Variants in UBE2W observed in about 807,000 individuals in gnomAD.
UBE2W encodes the protein ubiquitin conjugating enzyme E2 W.
UBE2W carries 18 observed loss-of-function variants against 27.2 expected under a neutral mutation model. That is an observed-to-expected ratio of 0.66 (90% CI 0.46 to 0.98). The LOEUF (loss-of-function observed/expected upper bound fraction) is 0.98, where lower values mean the gene tolerates loss of function less well. Among genes scored for constraint, UBE2W ranks in the 50% least tolerant of loss-of-function variants. The pLI is 0.00. For synonymous variants in UBE2W, 53 were observed against 57.2 expected (o/e 0.93, Z 0.33); for missense variants, 90 against 180.2 (o/e 0.50, Z 2.87).
chr8:73,871,135 G>A (rs1393089911), intron 1 of UBE2W, among the ~76,000 whole-genome samples: 1 of 152,180 alleles, frequency 6.6e-6, no homozygotes, highest in East Asian at 1.9e-4. Context: ...GTATGACACT[G>A]CTAATATAAT....
Position 73,791,855 on chromosome 8 carries a change from G to T in UBE2W, c.*2247C>A, listed in dbSNP as rs1187656879. On this transcript the variant is annotated 3_prime_UTR_variant, in exon 6 of 6. Transcript: ENST00000602593. ...CTGTGTCATTTTAGTTTACTTTATG[G>T]TATTTATATGTAGAGAGAGAGGTAT... 1.0e-6 allele frequency: 1 copy of T among 984,148 alleles called. No homozygotes were observed. The highest frequency in any genetic ancestry group is 6.2e-5 in the Admixed American group (1 of 16,202). 61.0% of individuals were successfully genotyped at this position (984,148 alleles called of 1,614,324 possible).
chr8:73,852,337 C>T (rs542286792), intron 1 of UBE2W, among the ~76,000 whole-genome samples: 1 of 152,128 alleles, frequency 6.6e-6, no homozygotes, highest in Non-Finnish European at 1.5e-5. Flanking sequence ...GAGTTTACTA[C>T]CCTAGAATCA....
At chr8:73,859,399 G>A (rs1343966044) in intron 1 of UBE2W, among the ~76,000 whole-genome samples, 1 of 152,158 alleles carries the variant, frequency 6.6e-6, no homozygotes, top group Non-Finnish European at 1.5e-5. Flanking sequence ...CCAGCTACTG[G>A]GGAGGCTGAA....
intron 5 of UBE2W, among the ~76,000 whole-genome samples, chr8:73,800,786 T>C (rs1402645459): frequency 6.6e-6 from 1 of 152,158 alleles, no homozygotes; most frequent in Non-Finnish European, 1.5e-5. Context: ...TAAAAACTGT[T>C]AACTCTAAGA....
intron 4 of UBE2W, among the ~76,000 whole-genome samples, chr8:73,808,584 C>G (rs899425803): frequency 3.9e-5 from 6 of 152,162 alleles, no homozygotes; most frequent in Non-Finnish European, 8.8e-5. Flanking sequence ...AATGCCAGAT[C>G]GTCTCAATGC....
intron 1 of UBE2W, among the ~76,000 whole-genome samples, chr8:73,869,430 C>T (rs942156527): frequency 1.3e-5 from 2 of 152,132 alleles, no homozygotes; most frequent in Non-Finnish European, 2.9e-5. Context: ...GTGGCTCACA[C>T]CTGTAATCCC....
At chr8:73,815,803 C>A (rs1054143067) in intron 3 of UBE2W, among the ~76,000 whole-genome samples, 2 of 152,094 alleles carry the variant, frequency 1.3e-5, no homozygotes, top group Non-Finnish European at 2.9e-5. Context: ...AGCCAATCTA[C>A]AATATGGATA....
intron 5 of UBE2W, among the ~76,000 whole-genome samples, chr8:73,801,068 C>G (rs938744503): frequency 3.3e-5 from 5 of 152,024 alleles, no homozygotes; most frequent in African/African-American, 7.2e-5. Flanking sequence ...CCAGCCTGGG[C>G]AACAAGAACA....
At chr8:73,821,603 C>A in intron 3 of UBE2W, among the ~76,000 whole-genome samples, 1 of 146,650 alleles carries the variant, frequency 6.8e-6, no homozygotes, top group South Asian at 2.2e-4. Flanking sequence ...GGTATGTAAC[C>A]AGTGAGATAA....
chr8:73,788,761 CGTT>C lies in UBE2W; in HGVS notation c.*5338_*5340del. On this transcript the variant is annotated 3_prime_UTR_variant, in exon 6 of 6. Coordinates refer to ENST00000602593, the MANE Select transcript of UBE2W (RefSeq NM_018299.6). ...GACCAATGAGAAAACAACTTAGAAT[CGTT>C]GTAGGACCATCCTTTTCTCAAAACC... 4 of 985,278 alleles carry C rather than the reference CGTT, an allele frequency of 4.1e-6. No homozygotes were observed. The highest frequency in any genetic ancestry group is 4.8e-6 in the Non-Finnish European group (4 of 829,912). 61.0% of individuals were successfully genotyped at this position (985,278 alleles called of 1,614,324 possible).
In UBE2W at chr8:73,789,820, G is replaced by A. The variant is rs761306811; in HGVS notation, c.*4282C>T. The A allele has an allele frequency of 5.1e-5, 41 of 800,660 alleles. No homozygotes were observed. Among genetic ancestry groups the A allele is most frequent in the Non-Finnish European group, 6.2e-5 (41 of 661,692 alleles). The allele number at this position is 800,660 out of a possible 1,614,324, so 49.6% of individuals were successfully genotyped here. A position where few individuals can be genotyped will look rare whatever the true frequency, so the allele number is the denominator to read the frequency against. On this transcript the variant is annotated 3_prime_UTR_variant, in exon 6 of 6. Transcript: ENST00000602593. ...GCACTGCACTAAAGCCCGGGTGACA[G>A]AGCAAGACTCCGTCTCAAAAATAAA...
At position 73,805,471 on chromosome 8, in the gene UBE2W, AC is replaced by A. The variant is rs574894602; in HGVS notation, c.442+179del. Among the ~76,000 whole-genome samples, 374 of 124,096 alleles carry A rather than the reference AC, an allele frequency of 3.0e-3. 72 individuals are homozygous for A. The highest frequency in any genetic ancestry group is 9.9e-3 in the African/African-American group (351 of 35,376). 81.4% of individuals were successfully genotyped at this position (124,096 alleles called of 152,430 possible). On this transcript the variant is annotated intron_variant, in intron 5 of 5. Coordinates refer to ENST00000602593, the MANE Select transcript of UBE2W (RefSeq NM_018299.6). ...CTCCATCTCAAAAAAAAAAAAAAAA[AC>A]AAAAAAAACTAGGGTAATTCATCCA...
intron 4 of UBE2W, among the ~76,000 whole-genome samples, chr8:73,807,422 A>T (rs920863826): frequency 6.6e-6 from 1 of 152,218 alleles, no homozygotes; most frequent in Non-Finnish European, 1.5e-5. Context: ...TCCATTTGGC[A>T]CTTCTAAAAC....
intron 1 of UBE2W, among the ~76,000 whole-genome samples, chr8:73,864,200 C>A (rs547184951): frequency 3.8e-4 from 58 of 152,220 alleles, no homozygotes; most frequent in Non-Finnish European, 8.8e-5. Context: ...TCAAGACCAG[C>A]GTGGCCAACA....
At chr8:73,848,454 A>G (rs750201704) in intron 1 of UBE2W, among the ~76,000 whole-genome samples, 15 of 152,174 alleles carry the variant, frequency 9.9e-5, no homozygotes, top group Non-Finnish European at 2.1e-4. Context: ...TGGGTGGCTG[A>G]GGTGGGAGGA....
At position 73,813,064 on chromosome 8, in the gene UBE2W, T is replaced by C. The variant is rs372489150; in HGVS notation, c.211-2435A>G. Among the ~76,000 whole-genome samples, 3 of 66,738 alleles carry C rather than the reference T, an allele frequency of 4.5e-5. No individual in the cohort carries two copies. In the East Asian group the frequency reaches 1.2e-3, roughly 26 times the overall value. The allele number at this position is 66,738 out of a possible 152,430, so 43.8% of individuals were successfully genotyped here. On this transcript the variant is annotated intron_variant, in intron 3 of 5. Coordinates refer to ENST00000602593, the MANE Select transcript of UBE2W (RefSeq NM_018299.6). ...GTCTCTATCAAGAAGTCAAGAAGAATAGTGATCTGAAAGTGCCACAAAAAA... is the reference window on the plus strand; with the variant it reads ...GTCTCTATCAAGAAGTCAAGAAGAACAGTGATCTGAAAGTGCCACAAAAAA...
In UBE2W at chr8:73,793,815, C is replaced by A; in HGVS notation, c.*287G>T. On this transcript the variant is annotated 3_prime_UTR_variant, in exon 6 of 6. Transcript: ENST00000602593. ...TTGCACAATACATGAGGACCTGGAG[C>A]TTTTCCAAAAGCTTAAAAAAATAAA... 1 of 1,136,534 alleles carries A rather than the reference C, an allele frequency of 8.8e-7. No homozygotes were observed. The highest frequency in any genetic ancestry group is 1.1e-6 in the Non-Finnish European group (1 of 925,398). The allele number at this position is 1,136,534 out of a possible 1,614,324, so 70.4% of individuals were successfully genotyped here.
rs960710852 is a variant in UBE2W, at chr8:73,878,840, AAGACCGGCGAGGCCAG to A, written c.-34_-19del. On this transcript the variant is annotated 5_prime_UTR_variant, in exon 1 of 6. Transcript: ENST00000602593. The stretch of plus-strand genomic sequence containing the variant: ...GACGCCATGATGGAACCATCCCCCC[AAGACCGGCGAGGCCAG>A]AGACGCAGGGGGAGGAGCTGCCGTG... 2.6e-6 allele frequency: 4 copies of A among 1,548,828 alleles called. No individual in the cohort carries two copies. The Admixed American group carries it at 7.9e-5, about 30-fold the overall frequency.
rs1236277532 is a variant in UBE2W at position 73,824,277 on chromosome 8, C to G, written c.210+870G>C. On this transcript the variant is annotated intron_variant, in intron 3 of 5. Transcript: ENST00000602593. ...GCTCTCAAAAAACATTTCTCTACCA[C>G]CATTATCCCTTGTCTAAGTATTAAG... Among the ~76,000 whole-genome samples, 6 of 152,220 alleles carry G rather than the reference C, an allele frequency of 3.9e-5. No individual in the cohort carries two copies. The East Asian group carries it at 1.2e-3, about 29-fold the overall frequency.
Sources: gnomAD v4.1 joint callset for allele counts (sites outside exome capture counted in the v4.1 genomes callset) on GRCh38, gnomAD v4.1.1 for gene constraint, MANE v1.5 for transcripts, NCBI Gene and HGNC (gene_info 2026-07-23, HGNC 2026-07-21) for gene names.